Variants in SREBF1 observed in about 807,000 individuals in gnomAD.
The protein encoded by SREBF1 is sterol regulatory element binding transcription factor 1.
In SREBF1, 45 loss-of-function variants were observed where a neutral mutation model predicts 100.1. That is an observed-to-expected ratio of 0.45 (90% CI 0.35 to 0.58). SREBF1 has a LOEUF of 0.58. Ranked by LOEUF, SREBF1 falls within the 20% of genes least tolerant of loss-of-function variation. The pLI, the probability that SREBF1 is intolerant of heterozygous loss-of-function variation, is 0.00. For synonymous variants in SREBF1, 657 were observed against 681.8 expected, an observed-to-expected ratio of 0.96 and a Z score of 0.57; for missense variants, 1,324 against 1,539.4, an observed-to-expected ratio of 0.86 and a Z score of 2.34.
intron 18 of SREBF1, 46 bp from the exon 19 acceptor site, chr17:17,812,897 G>A: frequency 7.0e-7 from 1 of 1,430,788 alleles, no homozygotes; most frequent in South Asian, 1.4e-5. Context: ...AGCTGGCCAC[G>A]CCCCCGCGGG....
rs1432300322 is a variant in SREBF1 at position 17,811,997 on chromosome 17, G to T, written c.*625C>A. The T allele has an allele frequency of 2.3e-6, 1 of 442,522 alleles. No homozygotes were observed. The highest frequency in any genetic ancestry group is 2.6e-5 in the Admixed American group (1 of 38,054). 27.4% of individuals were successfully genotyped at this position (442,522 alleles called of 1,614,324 possible). On this transcript the variant is annotated 3_prime_UTR_variant, in exon 19 of 19. Coordinates refer to ENST00000261646, the MANE Select transcript of SREBF1 (RefSeq NM_004176.5). ...CCTTGTGGCCGGAGGGGGAGGGGAA[G>T]CCTTTCCCTAGGTGCTGGGGGAGGG...
intron 1 of SREBF1, among the ~76,000 whole-genome samples, chr17:17,828,000 G>T (rs567149060): frequency 6.6e-6 from 1 of 152,162 alleles, no homozygotes; most frequent in South Asian, 2.1e-4. Context: ...CAAATTAGAG[G>T]CTGGGCCTCA....
At position 17,816,360 on chromosome 17, in the gene SREBF1, G is replaced by A. The variant is rs139775563; in HGVS notation, c.2061C>T (p.Gly687=). 105 of 1,586,114 alleles carry A rather than the reference G, an allele frequency of 6.6e-5. No individual in the cohort carries two copies. In the African/African-American group the frequency reaches 9.1e-4, roughly 14 times the overall value. ...HQLHTMGKHT[G]GHLTATNLAL... is the part of the protein sequence containing the mutation. ...CCAGGTTGGTGGCAGTGAGGTGCCC[G>A]CCTGTGTGCTTCCCTGGAAGGCAAG... The change falls in exon 11 of 19, where the codon GGC becomes GGT. Residue 687 remains glycine (G), a synonymous_variant. Transcript: ENST00000261646.
intron 6 of SREBF1, 29 bp downstream of exon 6, chr17:17,818,231 G>C: frequency 6.3e-7 from 1 of 1,587,276 alleles, no homozygotes. Flanking sequence ...GAAGAGGCCA[G>C]ACTGGAGCTC....
Position 17,819,434 on chromosome 17 carries a change from G to C in SREBF1, c.732C>G (p.Phe244Leu). 1 of 1,613,852 alleles carries C rather than the reference G, an allele frequency of 6.2e-7. No homozygotes were observed. The highest frequency in any genetic ancestry group is 8.5e-7 in the Non-Finnish European group (1 of 1,180,052). The change falls in exon 4 of 19, where the codon TTC becomes TTG. Residue 244 changes from phenylalanine to leucine, a missense_variant. Physicochemically the swap from Phe to Leu is conservative, Grantham distance 22. Transcript: ENST00000261646. ...TCAGAAGCAGCGAGTCTGCCTTGATGAAGTGGGGCTGCAGCAGGACCTGAG... is the reference window on the plus strand; with the variant it reads ...TCAGAAGCAGCGAGTCTGCCTTGATCAAGTGGGGCTGCAGCAGGACCTGAG... The part of the protein sequence containing the change: ...QQVPVLLQPH[F>L]IKADSLLLTA...
In SREBF1 at chr17:17,816,987, G is replaced by A. The variant is rs1274094351; in HGVS notation, c.1756C>T (p.Arg586Cys). 9 of 1,612,932 alleles carry A rather than the reference G, an allele frequency of 5.6e-6. No individual in the cohort carries two copies. The highest frequency in any genetic ancestry group is 1.6e-4 in the Middle Eastern group (1 of 6,084). Residue 586 changes from arginine to cysteine, a missense_variant, in exon 9 of 19, where the codon CGC becomes TGC. Physicochemically the swap from Arg to Cys is radical, Grantham distance 180. Coordinates refer to ENST00000261646, the MANE Select transcript of SREBF1 (RefSeq NM_004176.5). Reference sequence around the variant, plus strand: ...GCCAGGTCCAGGTCAGCCTGCTTGCGATGCCTCCAGAAGTACACGGCGGGG... The same window carrying A: ...GCCAGGTCCAGGTCAGCCTGCTTGCAATGCCTCCAGAAGTACACGGCGGGG... ...SGPAVYFWRH[R>C]KQADLDLARG...
intron 18 of SREBF1, 42 bp downstream of exon 18, chr17:17,813,326 C>T (rs1272939929): frequency 6.5e-7 from 1 of 1,541,992 alleles, no homozygotes; most frequent in Non-Finnish European, 8.8e-7. Context: ...CCCTTCCCTG[C>T]TGAGCAGACA....
In SREBF1 at chr17:17,816,694, G is replaced by C; in HGVS notation, c.1810C>G (p.Gln604Glu). 1 of 1,583,728 alleles carries C rather than the reference G, an allele frequency of 6.3e-7. No individual in the cohort carries two copies. The highest frequency in any genetic ancestry group is 1.1e-5 in the South Asian group (1 of 87,544). Residue 604 changes from glutamine to glutamate, a missense_variant, in exon 10 of 19, where the codon CAG (glutamine) becomes GAG (glutamate). Physicochemically the swap from Gln to Glu is conservative, Grantham distance 29. Coordinates refer to ENST00000261646, the MANE Select transcript of SREBF1 (RefSeq NM_004176.5). ...ARGDFAQAAQ[Q>E]LWLALRALGR... ...AGTGCCCGCAGGGCCAGCCACAGCT[G>C]CTGGGCAGCCTGGGCAAAGTCTCCC...
chr17:17,833,550 T>C (rs1322775456), intron 1 of SREBF1, among the ~76,000 whole-genome samples: 1 of 149,642 alleles, frequency 6.7e-6, no homozygotes, highest in Non-Finnish European at 1.5e-5. Flanking sequence ...GTATAAGGGA[T>C]CTCACTGTGT....
At chr17:17,813,347 G>A (rs2033152489) in intron 18 of SREBF1, 21 bp downstream of exon 18, 1 of 1,571,660 alleles carries the variant, frequency 6.4e-7, no homozygotes, top group Non-Finnish European at 8.6e-7. Context: ...GCACATCCCT[G>A]GTCAGCAGCT....
chr17:17,812,477 C>T lies in SREBF1; in HGVS notation c.*145G>A. The T allele has an allele frequency of 3.5e-6, 3 of 860,164 alleles. No homozygotes were observed. The highest frequency in any genetic ancestry group is 5.3e-6 in the Non-Finnish European group (3 of 564,030). The allele number at this position is 860,164 out of a possible 1,614,324, so 53.3% of individuals were successfully genotyped here. ...ATCGCGCCCCTCGGGCCTTCCACCG[C>T]GAAGGCACACAGCAGCCGCAGGTCG... On this transcript the variant is annotated 3_prime_UTR_variant, in exon 19 of 19. Transcript: ENST00000261646.
At position 17,812,772 on chromosome 17, in the gene SREBF1, G is replaced by A. The variant is rs1454333222; in HGVS notation, c.3294C>T (p.Pro1098=). The A allele has an allele frequency of 3.3e-6, 5 of 1,532,142 alleles. No homozygotes were observed. The South Asian group carries it at 5.9e-5, about 18-fold the overall frequency. The allele number at this position is 1,532,142 out of a possible 1,614,324, so 94.9% of individuals were successfully genotyped here. ...EALLLASCYL[P]PGFLSAPGQR... ...GCCCGGGCGCCGACAGGAAGCCGGG[G>A]GGCAGGTAGCAGGAGGCCAGCAGCA... Residue 1098 remains proline, a synonymous_variant, in exon 19 of 19, where the codon CCC becomes CCT. Coordinates refer to ENST00000261646, the MANE Select transcript of SREBF1 (RefSeq NM_004176.5).
At chr17:17,829,591 T>C (rs1431983565) in intron 1 of SREBF1, among the ~76,000 whole-genome samples, 1 of 152,158 alleles carries the variant, frequency 6.6e-6, no homozygotes, top group Non-Finnish European at 1.5e-5. Flanking sequence ...TGTGGCCAGA[T>C]GGCCACTCTG....
rs1287107456 is a variant in SREBF1 at position 17,813,578 on chromosome 17, G to A, written c.3093C>T (p.Ala1031=). 6.3e-7 allele frequency: 1 copy of A among 1,595,796 alleles called. No individual in the cohort carries two copies. The highest frequency in any genetic ancestry group is 8.5e-7 in the Non-Finnish European group (1 of 1,174,794). ...LRRLAQSFRP[A]MRRVFLHEAT... Reference sequence around the variant, plus strand: ...GCCATCGGGCACTCACCCTCCGCATGGCGGGCCGGAAGCTCTGTGCCAGCC... The same window carrying A: ...GCCATCGGGCACTCACCCTCCGCATAGCGGGCCGGAAGCTCTGTGCCAGCC... The change falls in exon 17 of 19, where the codon GCC becomes GCT. Residue 1031 remains alanine, a synonymous_variant. Transcript: ENST00000261646.
At position 17,813,703 on chromosome 17, in the gene SREBF1, G is replaced by A; in HGVS notation, c.2968C>T (p.Pro990Ser). 1 of 1,537,672 alleles carries A rather than the reference G, an allele frequency of 6.5e-7. No individual in the cohort carries two copies. Among genetic ancestry groups the A allele is most frequent in the Middle Eastern group, 1.8e-4 (1 of 5,442 alleles). ...TGGGCTGCTGGGGCCGGGGCCGGGG[G>A]CTGCTGCTGCCGCCACAGGCTGGTG... is the stretch of plus-strand genomic sequence containing the variant. ...VRTSLWRQQQ[P>S]PAPAPAAQGT... Residue 990 changes from proline (P) to serine (S), a missense_variant, in exon 17 of 19, where the codon CCC becomes TCC. By Grantham distance (74) the Pro-to-Ser change is moderately conservative. Coordinates refer to ENST00000261646, the MANE Select transcript of SREBF1 (RefSeq NM_004176.5).
intron 1 of SREBF1, among the ~76,000 whole-genome samples, chr17:17,830,077 C>T (rs1303280625): frequency 6.6e-6 from 1 of 152,266 alleles, no homozygotes; most frequent in Non-Finnish European, 1.5e-5. Flanking sequence ...AACTTGGAAC[C>T]ATAGCCTGGT....
intron 1 of SREBF1, among the ~76,000 whole-genome samples, chr17:17,825,591 A>C (rs1598133227): frequency 6.9e-6 from 1 of 145,784 alleles, no homozygotes; most frequent in African/African-American, 2.5e-5. Flanking sequence ...GGGCTGATCT[A>C]CTGGCCAATT....
At position 17,821,771 on chromosome 17, in the gene SREBF1, G is replaced by A. The variant is rs116464536; in HGVS notation, c.92-1250C>T. Among the ~76,000 whole-genome samples, 791 of 152,294 alleles carry A rather than the reference G, an allele frequency of 5.2e-3. 9 individuals are homozygous for A. Among genetic ancestry groups the A allele is most frequent in the African/African-American group, 0.018 (755 of 41,566 alleles). ...AATGGCAGACAGGGAAGTCCCCCAA[G>A]AGGACCCCAGATCAGAGCAGGGTCC... On this transcript the variant is annotated intron_variant, in intron 1 of 18. Transcript: ENST00000261646.
In SREBF1 at chr17:17,812,611, G is replaced by A. The variant is rs1303023437; in HGVS notation, c.*11C>T. 5.7e-6 allele frequency: 9 copies of A among 1,591,872 alleles called. No individual in the cohort carries two copies. Among genetic ancestry groups the A allele is most frequent in the East Asian group, 4.6e-5 (2 of 43,746 alleles). On this transcript the variant is annotated 3_prime_UTR_variant, in exon 19 of 19. Coordinates refer to ENST00000261646, the MANE Select transcript of SREBF1 (RefSeq NM_004176.5). The stretch of plus-strand genomic sequence containing the variant: ...CTAGAGACAGGGGTGCTGAGGCCGG[G>A]GACACGGGGTCTAGCTGGAAGTGAC...
Sources: gnomAD v4.1 joint callset for allele counts (sites outside exome capture counted in the v4.1 genomes callset) on GRCh38, gnomAD v4.1.1 for gene constraint, MANE v1.5 for transcripts, NCBI Gene and HGNC (gene_info 2026-07-23, HGNC 2026-07-21) for gene names.